Variants in RNF213 observed in about 807,000 individuals in gnomAD.
RNF213 encodes E3 ubiquitin-protein ligase RNF213.
Under a neutral mutation model 514.4 loss-of-function variants are expected in RNF213, and 341 were observed. That is an observed-to-expected ratio of 0.66 (90% CI 0.61 to 0.73). RNF213 has a LOEUF of 0.73. Among genes scored for constraint, RNF213 ranks in the 30% least tolerant of loss-of-function variants. The probability of loss-of-function intolerance (pLI) is 0.00; values close to 1 mark genes in which losing one functional copy is unlikely to be tolerated. For missense variants in RNF213, 5,767 were observed against 6,615.6 expected, an observed-to-expected ratio of 0.87 and a Z score of 4.45; for synonymous variants, 2,655 against 2,658.2, an observed-to-expected ratio of 1.00 and a Z score of 0.04.
In RNF213 at chr17:80,298,311, T is replaced by C. The variant is rs749511769; in HGVS notation, c.2013-10T>C. Reference sequence around the variant, plus strand: ...GCTCAGCTCACTGCGGGATCTTTATTCCCTTCCAGCTGGCGGCTGTACCTG... The same window carrying C: ...GCTCAGCTCACTGCGGGATCTTTATCCCCTTCCAGCTGGCGGCTGTACCTG... On this transcript the variant is annotated splice_polypyrimidine_tract_variant and intron_variant, in intron 10 of 67. Coordinates refer to ENST00000582970, the MANE Select transcript of RNF213 (RefSeq NM_001256071.3). 3.7e-6 allele frequency: 6 copies of C among 1,613,972 alleles called. No homozygotes were observed. In the Admixed American group the frequency reaches 1.0e-4, roughly 27 times the overall value.
At position 80,307,248 on chromosome 17, in the gene RNF213, G is replaced by A. The variant is rs766349453; in HGVS notation, c.2501+47G>A. The A allele has an allele frequency of 1.7e-5, 27 of 1,583,274 alleles. No individual in the cohort carries two copies. The African/African-American group carries it at 3.0e-4, about 17-fold the overall frequency. On this transcript the variant is annotated intron_variant, in intron 13 of 67. Transcript: ENST00000582970. Reference sequence around the variant, plus strand: ...GTCTCTCCCTCACATGCGGCCCCCGGGGGCTTCCTCTGACCCCTATAATTG... The same window carrying A: ...GTCTCTCCCTCACATGCGGCCCCCGAGGGCTTCCTCTGACCCCTATAATTG...
At chr17:80,339,091 G>A (rs1489209482) in intron 25 of RNF213, 110 bp from the exon 26 acceptor site, 2 of 839,514 alleles carry the variant, frequency 2.4e-6, no homozygotes, top group Non-Finnish European at 3.6e-6. Flanking sequence ...TCATGCAGTG[G>A]GCCTGTGGAC....
In RNF213 at chr17:80,315,819, GGTGGTGGT is replaced by G. The variant is rs1445691292; in HGVS notation, c.2812-1367_2812-1360del. The G allele has an allele frequency of 6.0e-4, 29 of 48,214 alleles. 9 individuals are homozygous for G. The highest frequency in any genetic ancestry group is 3.0e-3 in the South Asian group (4 of 1,328). The allele number at this position is 48,214 out of a possible 1,614,324, so 3.0% of individuals were successfully genotyped here. On this transcript the variant is annotated intron_variant, in intron 15 of 67. Transcript: ENST00000582970. ...TGGTGGTGGAGGTGGTGGTGGTGGT[GGTGGTGGT>G]GATGGTGATGGTGGTGGTGGTGGTG...
At chr17:80,386,156 G>A in intron 61 of RNF213, 94 bp from the exon 62 acceptor site, 1 of 1,234,640 alleles carries the variant, frequency 8.1e-7, no homozygotes, top group Non-Finnish European at 1.2e-6. Context: ...GGCTGTGTGT[G>A]GAGCTGATGG....
chr17:80,375,517 T>C (rs2079712739), intron 50 of RNF213, among the ~76,000 whole-genome samples: 1 of 149,844 alleles, frequency 6.7e-6, no homozygotes, highest in South Asian at 2.1e-4. Context: ...CTGGCAAACA[T>C]GGTGAAACCC....
chr17:80,353,465 G>A lies in RNF213; in HGVS notation c.10424-47G>A, dbSNP rs1449881632. 2.5e-6 allele frequency: 4 copies of A among 1,570,348 alleles called. No homozygotes were observed. The highest frequency in any genetic ancestry group is 3.5e-6 in the Non-Finnish European group (4 of 1,157,488). Reference sequence around the variant, plus strand: ...CCAGATGGCACCGCTGCCAGTCCCTGTGCCACCTTCTGAGTGGTAACGCAA... The same window carrying A: ...CCAGATGGCACCGCTGCCAGTCCCTATGCCACCTTCTGAGTGGTAACGCAA... On this transcript the variant is annotated intron_variant, in intron 33 of 67. Coordinates refer to ENST00000582970, the MANE Select transcript of RNF213 (RefSeq NM_001256071.3). This position sits in a 1 kb window ranked among gnomAD's most constrained non-coding sequence, Gnocchi z 5.0.
Position 80,380,733 on chromosome 17 carries a change from T to C in RNF213, c.13641-98T>C, listed in dbSNP as rs565163576. ...ACAGCAAGTACTCTTCACATAACTC[T>C]CTTCTCAGCCGTAAGCCTCACTCCA... On this transcript the variant is annotated intron_variant, in intron 55 of 67. Transcript: ENST00000582970. 122 of 1,376,492 alleles carry C rather than the reference T, an allele frequency of 8.9e-5. No homozygotes were observed. The African/African-American group carries it at 1.6e-3, about 18-fold the overall frequency. 85.3% of individuals were successfully genotyped at this position (1,376,492 alleles called of 1,614,324 possible).
chr17:80,334,018 G>C, intron 21 of RNF213, 87 bp from the exon 22 acceptor site: 1 of 1,472,784 alleles, frequency 6.8e-7, no homozygotes. Flanking sequence ...GGAGGGTGGG[G>C]CTGCTGGGAC....
rs78979716 is a variant in RNF213 at position 80,354,669 on chromosome 17, G to C, written c.10862+93G>C. 200 of 1,483,838 alleles carry C rather than the reference G, an allele frequency of 1.3e-4. 1 individual carries two copies. The African/African-American group carries it at 2.6e-3, about 19-fold the overall frequency. 91.9% of individuals were successfully genotyped at this position (1,483,838 alleles called of 1,614,324 possible). A position where few individuals can be genotyped will look rare whatever the true frequency, so the allele number is the denominator to read the frequency against. The stretch of plus-strand genomic sequence containing the variant: ...ATCCTCTCTCCATCCGGGCCATGGG[G>C]ACTGAGCTGTTTCTTTCCAAACCTC... On this transcript the variant is annotated intron_variant, in intron 36 of 67. Coordinates refer to ENST00000582970, the MANE Select transcript of RNF213 (RefSeq NM_001256071.3).
At chr17:80,308,164 T>C (rs1183550640) in intron 13 of RNF213, among the ~76,000 whole-genome samples, 2 of 152,042 alleles carry the variant, frequency 1.3e-5, no homozygotes, top group Non-Finnish European at 1.5e-5. Flanking sequence ...GGATGGGTGT[T>C]GTCTGAGCTG....
Position 80,288,153 on chromosome 17 carries a change from G to A in RNF213, c.600G>A (p.Thr200=), listed in dbSNP as rs759264860. Residue 200 remains threonine, a synonymous_variant, in exon 4 of 68, where the codon ACG becomes ACA. Transcript: ENST00000582970. This position sits in a 1 kb window ranked among gnomAD's most constrained non-coding sequence, Gnocchi z 4.9. ...GCAGCCCGCAATTCCAGGACCACACGGAAGGGGAGGACCAGGACGCTTCCA... is the reference window on the plus strand; with the variant it reads ...GCAGCCCGCAATTCCAGGACCACACAGAAGGGGAGGACCAGGACGCTTCCA... The part of the protein sequence containing the change: ...AQSSPQFQDH[T]EGEDQDASIP... 23 of 1,610,362 alleles carry A rather than the reference G, an allele frequency of 1.4e-5. No individual in the cohort carries two copies. The highest frequency in any genetic ancestry group is 4.0e-5 in the African/African-American group (3 of 74,890).
intron 64 of RNF213, 60 bp downstream of exon 64, chr17:80,388,749 T>A (rs2080340914): frequency 2.3e-6 from 3 of 1,291,966 alleles, no homozygotes; most frequent in Non-Finnish European, 3.4e-6. Context: ...TGTGTTTCCC[T>A]CCGTGTTAGG....
intron 2 of RNF213, among the ~76,000 whole-genome samples, chr17:80,270,814 T>C (rs2043796607): frequency 6.6e-6 from 1 of 152,128 alleles, no homozygotes. Flanking sequence ...AAGTCCAGGC[T>C]TGAGGGGTTC....
At position 80,264,670 on chromosome 17, in the gene RNF213, C is replaced by T. The variant is rs980352949; in HGVS notation, c.97+892C>T. Among the ~76,000 whole-genome samples the T allele has an allele frequency of 8.5e-5, 13 of 152,124 alleles. No homozygotes were observed. Among genetic ancestry groups the T allele is most frequent in the Admixed American group, 3.3e-4 (5 of 15,256 alleles). ...GGCCCTGCTGGTCTCCCCGCCTCCACGCTGCATGCTGCCTTCCTGCTTCCT... is the reference window on the plus strand; with the variant it reads ...GGCCCTGCTGGTCTCCCCGCCTCCATGCTGCATGCTGCCTTCCTGCTTCCT... On this transcript the variant is annotated intron_variant, in intron 2 of 67. Coordinates refer to ENST00000582970, the MANE Select transcript of RNF213 (RefSeq NM_001256071.3). This position sits in a 1 kb window ranked among gnomAD's most constrained non-coding sequence, Gnocchi z 5.0.
At chr17:80,384,210 C>T (rs1203674374) in intron 59 of RNF213, among the ~76,000 whole-genome samples, 1 of 152,324 alleles carries the variant, frequency 6.6e-6, no homozygotes, top group East Asian at 1.9e-4. Context: ...CCCCTCATCA[C>T]TCAGCCAGAC....
In RNF213 at chr17:80,317,344, C is replaced by T. The variant is rs1019933955; in HGVS notation, c.2901+67C>T. On this transcript the variant is annotated intron_variant, in intron 16 of 67. Transcript: ENST00000582970. The surrounding 1 kb of genome is among the most constrained non-coding windows in gnomAD (Gnocchi z 4.1). Reference sequence around the variant, plus strand: ...AAGCTGGAGAACCCCAGACCATTAGCGACAGCCAAGAGATCTCAGCAGTGC... The same window carrying T: ...AAGCTGGAGAACCCCAGACCATTAGTGACAGCCAAGAGATCTCAGCAGTGC... 31 of 1,432,792 alleles carry T rather than the reference C, an allele frequency of 2.2e-5. No individual in the cohort carries two copies. The highest frequency in any genetic ancestry group is 6.9e-5 in the East Asian group (3 of 43,328). The allele number at this position is 1,432,792 out of a possible 1,614,324, so 88.8% of individuals were successfully genotyped here. A position where few individuals can be genotyped will look rare whatever the true frequency, so the allele number is the denominator to read the frequency against.
At position 80,351,725 on chromosome 17, in the gene RNF213, G is replaced by A; in HGVS notation, c.10225G>A (p.Glu3409Lys). 1 of 1,611,456 alleles carries A rather than the reference G, an allele frequency of 6.2e-7. No individual in the cohort carries two copies. Among genetic ancestry groups the A allele is most frequent in the Non-Finnish European group, 8.5e-7 (1 of 1,177,802 alleles). ...INEINKIRENEDRIFVYFITK... is the reference protein window; with the variant it reads ...INEINKIRENKDRIFVYFITK... ...TGAAATCAACAAAATACGAGAAAAT[G>A]AGGACCGTATCTTCGTCTATTTCAT... Residue 3409 changes from glutamate to lysine, a missense_variant, in exon 32 of 68, where the codon GAG becomes AAG. Around this residue, in one of 13 missense-constraint regions of RNF213, gnomAD observed 919 missense variants for 1,121.0 expected, o/e 0.82. Coordinates refer to ENST00000582970, the MANE Select transcript of RNF213 (RefSeq NM_001256071.3).
In RNF213 at chr17:80,334,451, A is replaced by G. The variant is rs1021749971; in HGVS notation, c.4309+181A>G. On this transcript the variant is annotated intron_variant, in intron 22 of 67. Transcript: ENST00000582970. ...CTGATCATAGAGTTCACACCGGTAC[A>G]GTATTTCCCATGTGCTGCTGTAAAA... 1.2e-5 allele frequency: 7 copies of G among 582,430 alleles called. No homozygotes were observed. The East Asian group carries it at 1.5e-4, about 12-fold the overall frequency. 36.1% of individuals were successfully genotyped at this position (582,430 alleles called of 1,614,324 possible).
intron 11 of RNF213, among the ~76,000 whole-genome samples, chr17:80,300,796 C>T (rs1369183890): frequency 6.6e-6 from 1 of 152,126 alleles, no homozygotes; most frequent in African/African-American, 2.4e-5. Flanking sequence ...AAGTGATCCG[C>T]CCACCTTGGC....
Sources: gnomAD v4.1 joint callset for allele counts (sites outside exome capture counted in the v4.1 genomes callset) on GRCh38, gnomAD v4.1.1 for gene constraint, gnomAD v4.1.1 regional missense constraint, Gnocchi (gnomAD v3.1) non-coding constraint, MANE v1.5 for transcripts, NCBI Gene and HGNC (gene_info 2026-07-23, HGNC 2026-07-21) for gene names.